Variants in KAZN observed in about 807,000 individuals in gnomAD.
The protein encoded by KAZN is kazrin, periplakin interacting protein.
A neutral mutation model predicts 87.4 loss-of-function variants in KAZN; 40 were observed. The observed-to-expected ratio is 0.46, with a 90% CI of 0.36 to 0.60. The LOEUF is 0.60. KAZN is among the 20% of genes least tolerant of loss of function. The pLI is 0.00. For missense variants in KAZN, 898 were observed against 1,073.9 expected (o/e 0.84, Z 2.29); for synonymous variants, 466 against 458.3 (o/e 1.02, Z -0.22).
chr1:14,169,511 G>C (rs1645904866), intron 1 of KAZN, among the ~76,000 whole-genome samples: 1 of 152,166 alleles, frequency 6.6e-6, no homozygotes, highest in African/African-American at 2.4e-5. Context: ...GGAGTGAAGA[G>C]GGTGCTGTCC....
intron 1 of KAZN, among the ~76,000 whole-genome samples, chr1:14,688,576 C>T (rs1375273407): frequency 1.3e-5 from 2 of 152,180 alleles, no homozygotes; most frequent in Non-Finnish European, 2.9e-5. Flanking sequence ...GTATAAAACA[C>T]GATGAAGTAA....
chr1:14,037,897 C>T (rs569989578), intron 1 of KAZN, among the ~76,000 whole-genome samples: 13 of 152,242 alleles, frequency 8.5e-5, no homozygotes, highest in Middle Eastern at 3.4e-3. Flanking sequence ...AAGCCTAGGA[C>T]GCATTGCTTG....
rs529449832 is a variant in KAZN at position 14,909,667 on chromosome 1, C to T, written c.227-51017C>T. On this transcript the variant is annotated intron_variant, in intron 1 of 14. Coordinates refer to ENST00000376030, the MANE Select transcript of KAZN (RefSeq NM_201628.3). ...CTTCAACTGGCCACCTCCAGAGCAC[C>T]TGGCGGGCCAGGGCCATGTTGTGGA... Among the ~76,000 whole-genome samples the T allele has an allele frequency of 2.6e-5, 4 of 152,338 alleles. No individual in the cohort carries two copies. In the South Asian group the frequency reaches 8.3e-4, roughly 32 times the overall value.
At chr1:15,043,718 A>ACTG (rs1333295837) in intron 3 of KAZN, among the ~76,000 whole-genome samples, 14 of 136,816 alleles carry the variant, frequency 1.0e-4, no homozygotes, top group South Asian at 4.5e-4. Flanking sequence ...ATCTCGGCTC[A>ACTG]CTGCAAGCTC....
chr1:14,354,744 T>C (rs1658870826), intron 2 of KAZN, among the ~76,000 whole-genome samples: 1 of 151,266 alleles, frequency 6.6e-6, no homozygotes, highest in Non-Finnish European at 1.5e-5. Context: ...GGAACACCCA[T>C]ATATTGTTGG....
chr1:14,081,913 G>C (rs975038105), intron 1 of KAZN, among the ~76,000 whole-genome samples: 5 of 152,124 alleles, frequency 3.3e-5, no homozygotes, highest in African/African-American at 1.2e-4. Flanking sequence ...TGGGATTACA[G>C]GTGTGTGCCA....
chr1:14,700,908 G>A (rs1177421489), intron 1 of KAZN, among the ~76,000 whole-genome samples: 2 of 152,110 alleles, frequency 1.3e-5, no homozygotes, highest in African/African-American at 4.8e-5. Context: ...ATTCTTGGAT[G>A]GTTCTTGTCT....
At chr1:14,483,245 T>C (rs912570082) in intron 2 of KAZN, among the ~76,000 whole-genome samples, 3 of 152,152 alleles carry the variant, frequency 2.0e-5, no homozygotes, top group African/African-American at 7.2e-5. Context: ...ATAAGAACGC[T>C]AAAGCTACCA....
chr1:14,475,682 G>A (rs1206421445), intron 2 of KAZN, among the ~76,000 whole-genome samples: 1 of 152,108 alleles, frequency 6.6e-6, no homozygotes, highest in Non-Finnish European at 1.5e-5. Flanking sequence ...AATTCCCTTT[G>A]ATGGTTTTTT....
At chr1:15,022,217 T>G (rs766680262) in intron 2 of KAZN, among the ~76,000 whole-genome samples, 4 of 152,136 alleles carry the variant, frequency 2.6e-5, no homozygotes, top group African/African-American at 7.2e-5. Context: ...TTCCCTGCCC[T>G]GGCTCCAAAC....
intron 1 of KAZN, among the ~76,000 whole-genome samples, chr1:14,623,202 G>A (rs1010714615): frequency 6.6e-6 from 1 of 152,138 alleles, no homozygotes; most frequent in Non-Finnish European, 1.5e-5. Context: ...ATTCACAATA[G>A]CAAAGATATG....
intron 1 of KAZN, among the ~76,000 whole-genome samples, chr1:14,700,887 G>A (rs1438405284): frequency 1.3e-5 from 2 of 152,126 alleles, no homozygotes. Flanking sequence ...GGATAAAATG[G>A]ATCCAGATAC....
At chr1:14,838,793 T>C (rs1647589511) in intron 1 of KAZN, among the ~76,000 whole-genome samples, 1 of 152,142 alleles carries the variant, frequency 6.6e-6, no homozygotes, top group Admixed American at 6.5e-5. Context: ...GGCTAATTTT[T>C]GTATTTGTAG....
At chr1:14,120,044 C>T (rs751110749) in intron 1 of KAZN, among the ~76,000 whole-genome samples, 4 of 152,202 alleles carry the variant, frequency 2.6e-5, no homozygotes, top group African/African-American at 4.8e-5. Context: ...ATCATAAGGA[C>T]GTGGTTTTCC....
At chr1:14,255,650 G>T (rs1001100730) in intron 2 of KAZN, among the ~76,000 whole-genome samples, 9 of 152,158 alleles carry the variant, frequency 5.9e-5, no homozygotes, top group African/African-American at 1.9e-4. Flanking sequence ...AAAGTTGCAC[G>T]GTGTGACTTC....
Position 14,653,529 on chromosome 1 carries a change from G to A in KAZN, c.226+54306G>A, listed in dbSNP as rs945861452. Among the ~76,000 whole-genome samples, 18 of 152,300 alleles carry A rather than the reference G, an allele frequency of 1.2e-4. No homozygotes were observed. In the East Asian group the frequency reaches 2.7e-3, roughly 23 times the overall value. On this transcript the variant is annotated intron_variant, in intron 1 of 14. Coordinates refer to ENST00000376030, the MANE Select transcript of KAZN (RefSeq NM_201628.3). ...AGTTTTCCATAAAAGCTGGAAGCCC[G>A]GACTTTGTAGGAAATCTCCTGAGTT...
intron 1 of KAZN, among the ~76,000 whole-genome samples, chr1:14,912,041 A>T (rs1657305997): frequency 6.7e-6 from 1 of 150,168 alleles, no homozygotes; most frequent in African/African-American, 2.5e-5. Flanking sequence ...AATCCCAGCT[A>T]CTTGGGAGGC....
intron 1 of KAZN, among the ~76,000 whole-genome samples, chr1:14,151,045 T>G (rs1171122077): frequency 6.6e-6 from 1 of 152,224 alleles, no homozygotes; most frequent in Non-Finnish European, 1.5e-5. Flanking sequence ...ATGTGAACAG[T>G]GTAGTCTCCA....
At chr1:15,112,335 G>A (rs914439315) in intron 13 of KAZN, 92 bp from the exon 14 acceptor site, 6 of 12,656 alleles carry the variant, frequency 4.7e-4, no homozygotes, top group South Asian at 2.7e-3. Flanking sequence ...ACCAATGTGT[G>A]TGTGTGTGTG....
Sources: allele counts gnomAD v4.1 joint callset (sites outside exome capture counted in the v4.1 genomes callset), GRCh38; gene constraint gnomAD v4.1.1; transcripts MANE v1.5; gene names NCBI Gene and HGNC (gene_info 2026-07-23, HGNC 2026-07-21).